BBOX1: variants seen among roughly 807,000 people sequenced by gnomAD.
BBOX1 encodes the protein gamma-butyrobetaine dioxygenase.
BBOX1 carries 35 observed loss-of-function variants against 41.6 expected under a neutral mutation model. The observed-to-expected ratio is 0.84, with a 90% CI of 0.64 to 1.11. The LOEUF is 1.11. BBOX1 is among the 50% of genes most tolerant of loss of function. BBOX1 has a pLI of 0.00. For synonymous variants in BBOX1, 163 were observed against 154.7 expected, an observed-to-expected ratio of 1.05 and a Z score of -0.40; for missense variants, 458 against 460.6, an observed-to-expected ratio of 0.99 and a Z score of 0.05.
At chr11:27,080,129 C>T (rs961946722) in intron 4 of BBOX1, among the ~76,000 whole-genome samples, 2 of 152,080 alleles carry the variant, frequency 1.3e-5, no homozygotes, top group Non-Finnish European at 2.9e-5. Context: ...AGCAATAACT[C>T]CCAGGCAGCA....
At chr11:27,081,684 C>A (rs185223530) in intron 4 of BBOX1, among the ~76,000 whole-genome samples, 35 of 152,198 alleles carry the variant, frequency 2.3e-4, no homozygotes, top group African/African-American at 8.4e-4. Context: ...AATGTAAAAG[C>A]ATTCTGATTT....
intron 2 of BBOX1, among the ~76,000 whole-genome samples, chr11:27,053,749 C>A (rs1659022919): frequency 6.6e-6 from 1 of 152,066 alleles, no homozygotes. Context: ...CTCACTCAGA[C>A]TTATGAGCTA....
intron 4 of BBOX1, among the ~76,000 whole-genome samples, chr11:27,072,109 T>C (rs1857472877): frequency 6.6e-6 from 1 of 152,078 alleles, no homozygotes; most frequent in South Asian, 2.1e-4. Flanking sequence ...GGTATTCAAT[T>C]AGGAAAAGAG....
At chr11:27,054,240 C>CATGT (rs1856908941) in intron 2 of BBOX1, among the ~76,000 whole-genome samples, 3 of 98,942 alleles carry the variant, frequency 3.0e-5, no homozygotes, top group African/African-American at 9.4e-5. Flanking sequence ...TGTGTGCGTG[C>CATGT]ACATGTGTAC....
rs916648852 is a variant in BBOX1 at position 27,093,152 on chromosome 11, T to C, written c.335-16T>C. 5 of 1,609,226 alleles carry C rather than the reference T, an allele frequency of 3.1e-6. No individual in the cohort carries two copies. In the African/African-American group the frequency reaches 6.7e-5, roughly 22 times the overall value. On this transcript the variant is annotated splice_polypyrimidine_tract_variant and intron_variant, in intron 4 of 8. Transcript: ENST00000263182. ...AATGTAATCCCATCTGATTTCTTCA[T>C]TTTATCAATTCACAGAATGCCAATA...
At chr11:27,082,149 T>C (rs1857863286) in intron 4 of BBOX1, among the ~76,000 whole-genome samples, 1 of 152,126 alleles carries the variant, frequency 6.6e-6, no homozygotes, top group South Asian at 2.1e-4. Flanking sequence ...ACCCCCATGA[T>C]CCAATCACCT....
At chr11:27,078,735 C>G (rs1247375969) in intron 4 of BBOX1, among the ~76,000 whole-genome samples, 1 of 152,140 alleles carries the variant, frequency 6.6e-6, no homozygotes, top group South Asian at 2.1e-4. Context: ...TGCACTATAT[C>G]AAGAAAGTGC....
intron 5 of BBOX1, among the ~76,000 whole-genome samples, chr11:27,103,653 T>C (rs926902028): frequency 4.6e-5 from 7 of 152,024 alleles, no homozygotes; most frequent in African/African-American, 1.2e-4. Context: ...CTTTTACATA[T>C]TGGACCATTT....
intron 7 of BBOX1, among the ~76,000 whole-genome samples, 173 bp from the exon 8 acceptor site, chr11:27,125,473 AAATGAATG>A (rs1859619018): frequency 6.6e-6 from 1 of 152,190 alleles, no homozygotes; most frequent in South Asian, 2.1e-4. Context: ...AAAAAAATCT[AAATGAATG>A]AATGAAAAAA....
At position 27,119,698 on chromosome 11, in the gene BBOX1, A is replaced by G; in HGVS notation, c.689A>G (p.Glu230Gly). The G allele has an allele frequency of 1.3e-6, 2 of 1,570,504 alleles. No individual in the cohort carries two copies. The highest frequency in any genetic ancestry group is 1.7e-6 in the Non-Finnish European group (2 of 1,161,442). The change falls in exon 7 of 9, where the codon GAA becomes GGA. Residue 230 changes from glutamate (E) to glycine (G), a missense_variant. Coordinates refer to ENST00000263182, the MANE Select transcript of BBOX1 (RefSeq NM_003986.3). The stretch of plus-strand genomic sequence containing the variant: ...CAAACAGTCACAGGGGGTGATTCAG[A>G]AATTGTAGATGGGTTTAATGTGTGC... The part of the protein sequence containing the change: ...IKQTVTGGDS[E>G]IVDGFNVCQK...
At chr11:27,100,916 G>C (rs1010007148) in intron 5 of BBOX1, among the ~76,000 whole-genome samples, 2 of 152,072 alleles carry the variant, frequency 1.3e-5, no homozygotes, top group African/African-American at 4.8e-5. Flanking sequence ...GCCAGGACAG[G>C]TGGCTGTTAT....
intron 7 of BBOX1, among the ~76,000 whole-genome samples, chr11:27,124,967 A>T (rs1859598163): frequency 6.6e-6 from 1 of 152,210 alleles, no homozygotes. Flanking sequence ...GGTACTAAAA[A>T]ATATAGAGAG....
intron 4 of BBOX1, among the ~76,000 whole-genome samples, chr11:27,058,314 G>A (rs10835109): frequency 0.057 from 8,630 of 152,208 alleles, 324 homozygotes; most frequent in Middle Eastern, 0.15. Context: ...GCAAAACCAT[G>A]AGCCAATTTA....
chr11:27,091,558 G>A (rs1229978111), intron 4 of BBOX1, among the ~76,000 whole-genome samples: 1 of 151,848 alleles, frequency 6.6e-6, no homozygotes, highest in African/African-American at 2.4e-5. Context: ...CCCATGTGCT[G>A]ACCTGTTTCT....
At chr11:27,084,222 A>G (rs1390293912) in intron 4 of BBOX1, among the ~76,000 whole-genome samples, 2 of 152,154 alleles carry the variant, frequency 1.3e-5, no homozygotes, top group Non-Finnish European at 2.9e-5. Flanking sequence ...AAGTCCAGTG[A>G]TGCTGAACCC....
At chr11:27,113,085 A>T (rs112062993) in intron 5 of BBOX1, among the ~76,000 whole-genome samples, 5,067 of 152,072 alleles carry the variant, frequency 0.033, 123 homozygotes, top group South Asian at 0.1. Context: ...GAAAAATGCA[A>T]ATCAAAACCA....
chr11:27,049,838 C>T (rs1851615178), intron 2 of BBOX1, among the ~76,000 whole-genome samples: 1 of 152,066 alleles, frequency 6.6e-6, no homozygotes, highest in South Asian at 2.1e-4. Context: ...ATTTCCTTTG[C>T]TGTGCAGGGA....
chr11:27,114,826 G>C (rs537726748), intron 5 of BBOX1, among the ~76,000 whole-genome samples: 35 of 151,906 alleles, frequency 2.3e-4, no homozygotes, highest in South Asian at 2.1e-3. Flanking sequence ...AATCTTCATG[G>C]CTTTGGATTG....
chr11:27,086,140 C>A (rs962101884), intron 4 of BBOX1, among the ~76,000 whole-genome samples: 9 of 152,038 alleles, frequency 5.9e-5, no homozygotes, highest in African/African-American at 2.2e-4. Flanking sequence ...GAAGCTGCAG[C>A]AAGTGATCTG....
Sources: allele counts gnomAD v4.1 joint callset (sites outside exome capture counted in the v4.1 genomes callset), GRCh38; gene constraint gnomAD v4.1.1; transcripts MANE v1.5; gene names NCBI Gene and HGNC (gene_info 2026-07-23, HGNC 2026-07-21).